The following TSPAN2 variants were observed in gnomAD, a reference collection of about 807,000 sequenced individuals.
TSPAN2 encodes tetraspanin 2.
In TSPAN2, 24 loss-of-function variants were observed where a neutral mutation model predicts 33.3. The observed-to-expected ratio is 0.72, with a 90% CI of 0.52 to 1.01. The LOEUF is 1.01. Among genes scored for constraint, TSPAN2 ranks in the 50% least tolerant of loss-of-function variants. The pLI is 0.00. For missense variants in TSPAN2, 278 were observed against 281.3 expected (o/e 0.99, Z 0.08); for synonymous variants, 114 against 104.5 (o/e 1.09, Z -0.56).
intron 2 of TSPAN2, among the ~76,000 whole-genome samples, chr1:115,064,298 A>G (rs776037086): frequency 3.9e-5 from 6 of 152,314 alleles, no homozygotes; most frequent in Middle Eastern, 3.4e-3. Flanking sequence ...GGCAGCAACA[A>G]CACCATATTC....
chr1:115,056,921 C>A (rs1317236797), intron 6 of TSPAN2, among the ~76,000 whole-genome samples: 1 of 152,172 alleles, frequency 6.6e-6, no homozygotes, highest in East Asian at 1.9e-4. Flanking sequence ...TGTCTGGCCG[C>A]CCCTCCCAGT....
intron 1 of TSPAN2, among the ~76,000 whole-genome samples, chr1:115,088,397 C>A (rs1419852768): frequency 1.3e-5 from 2 of 152,178 alleles, no homozygotes; most frequent in African/African-American, 4.8e-5. Flanking sequence ...CCCTCAGGGT[C>A]TAGCTGAGCA....
rs559335092 is a variant in TSPAN2, at chr1:115,063,556, C to T, written c.173-1324G>A. ...GAACTACCACTCGACCCGGCAATCC[C>T]ATTGCTGGGTAAATACCTAAAGGAA... On this transcript the variant is annotated intron_variant, in intron 2 of 7. Transcript: ENST00000369516. Among the ~76,000 whole-genome samples the T allele has an allele frequency of 4.6e-5, 7 of 152,310 alleles. No homozygotes were observed. In the East Asian group the frequency reaches 1.3e-3, roughly 29 times the overall value.
Position 115,089,404 on chromosome 1 carries a change from C to A in TSPAN2, c.29G>T (p.Cys10Phe). The change falls in exon 1 of 8, where the codon TGC becomes TTC. Residue 10 changes from cysteine to phenylalanine, a missense_variant. By Grantham distance (205) the Cys-to-Phe change is radical. Coordinates refer to ENST00000369516, the MANE Select transcript of TSPAN2 (RefSeq NM_005725.6). ...GAAGCCAAGCAGCAGGTACTTGATGCACCGCAGGCCCCCGCGGAAGCGCCC... is the reference window on the plus strand; with the variant it reads ...GAAGCCAAGCAGCAGGTACTTGATGAACCGCAGGCCCCCGCGGAAGCGCCC... Reference protein sequence around the residue: MGRFRGGLRCIKYLLLGFNL... With the variant: MGRFRGGLRFIKYLLLGFNL... 6.3e-7 allele frequency: 1 copy of A among 1,589,994 alleles called. No homozygotes were observed. Among genetic ancestry groups the A allele is most frequent in the Non-Finnish European group, 8.5e-7 (1 of 1,169,792 alleles).
intron 1 of TSPAN2, among the ~76,000 whole-genome samples, chr1:115,074,119 G>T (rs1648301119): frequency 6.6e-6 from 1 of 152,156 alleles, no homozygotes; most frequent in African/African-American, 2.4e-5. Context: ...CAATTTAGAG[G>T]CTTCCCCTGC....
chr1:115,062,293 A>G, intron 2 of TSPAN2, 61 bp from the exon 3 acceptor site: 2 of 1,330,532 alleles, frequency 1.5e-6, no homozygotes, highest in Non-Finnish European at 2.1e-6. Flanking sequence ...ACGACCAACT[A>G]GGCTTAAGAC....
intron 1 of TSPAN2, among the ~76,000 whole-genome samples, chr1:115,076,026 G>C (rs1188750771): frequency 7.2e-6 from 1 of 139,710 alleles, no homozygotes; most frequent in African/African-American, 2.6e-5. Flanking sequence ...GTGGTAGATA[G>C]TCACATAAAG....
At chr1:115,072,619 C>T (rs1648225074) in intron 2 of TSPAN2, among the ~76,000 whole-genome samples, 1 of 152,114 alleles carries the variant, frequency 6.6e-6, no homozygotes, top group South Asian at 2.1e-4. Context: ...AAACAAAGCA[C>T]AACAGGCTGC....
intron 2 of TSPAN2, among the ~76,000 whole-genome samples, chr1:115,062,699 A>C (rs1289564485): frequency 6.6e-6 from 1 of 152,192 alleles, no homozygotes; most frequent in East Asian, 1.9e-4. Context: ...TCTTACTTGG[A>C]ATCATGTTAA....
At chr1:115,079,359 C>T (rs1171364878) in intron 1 of TSPAN2, among the ~76,000 whole-genome samples, 1 of 151,964 alleles carries the variant, frequency 6.6e-6, no homozygotes, top group African/African-American at 2.4e-5. Context: ...AATTCTCATC[C>T]CCATTGGAAT....
rs993535183 is a variant in TSPAN2 at position 115,048,510 on chromosome 1, T to A, written c.*1980A>T. Reference sequence around the variant, plus strand: ...ACTTTAATTAATTTCATTTTAAATTTATTTATTTCTATTCTTCCACTTTTA... The same window carrying A: ...ACTTTAATTAATTTCATTTTAAATTAATTTATTTCTATTCTTCCACTTTTA... On this transcript the variant is annotated 3_prime_UTR_variant, in exon 8 of 8. Coordinates refer to ENST00000369516, the MANE Select transcript of TSPAN2 (RefSeq NM_005725.6). 6.6e-6 allele frequency: 1 copy of A among 151,978 alleles called. No individual in the cohort carries two copies. The highest frequency in any genetic ancestry group is 1.5e-5 in the Non-Finnish European group (1 of 67,900). 9.4% of individuals were successfully genotyped at this position (151,978 alleles called of 1,614,324 possible).
At position 115,089,344 on chromosome 1, in the gene TSPAN2, C is replaced by G; in HGVS notation, c.69+20G>C. The G allele has an allele frequency of 6.4e-7, 1 of 1,563,118 alleles. No individual in the cohort carries two copies. Among genetic ancestry groups the G allele is most frequent in the South Asian group, 1.2e-5 (1 of 85,232 alleles). On this transcript the variant is annotated intron_variant, in intron 1 of 7. Coordinates refer to ENST00000369516, the MANE Select transcript of TSPAN2 (RefSeq NM_005725.6). ...ACCCGGCCCCCTGCCCTGACCGGCC[C>G]TCCCGGCTCCTGGTCTCACCCAGAA...
chr1:115,076,058 G>A (rs1414856856), intron 1 of TSPAN2, among the ~76,000 whole-genome samples: 1 of 152,182 alleles, frequency 6.6e-6, no homozygotes, highest in Non-Finnish European at 1.5e-5. Context: ...CTATAATGCA[G>A]GAAGTGTGCT....
At chr1:115,054,608 A>G (rs1439518490) in intron 6 of TSPAN2, among the ~76,000 whole-genome samples, 1 of 152,174 alleles carries the variant, frequency 6.6e-6, no homozygotes, top group African/African-American at 2.4e-5. Context: ...CCCTTCCTTC[A>G]GTGCCAGGCA....
chr1:115,066,175 T>C (rs555570806), intron 2 of TSPAN2, among the ~76,000 whole-genome samples: 2 of 152,226 alleles, frequency 1.3e-5, no homozygotes, highest in Non-Finnish European at 2.9e-5. Flanking sequence ...TGACTCCATA[T>C]GTTGGCTATT....
intron 2 of TSPAN2, among the ~76,000 whole-genome samples, chr1:115,064,044 T>C (rs1014722651): frequency 7.1e-6 from 1 of 141,054 alleles, no homozygotes; most frequent in Non-Finnish European, 1.6e-5. Flanking sequence ...GATTCTAAAA[T>C]GAAAGTTGAA....
intron 1 of TSPAN2, among the ~76,000 whole-genome samples, chr1:115,087,179 A>G (rs1182944197): frequency 6.6e-6 from 1 of 151,880 alleles, no homozygotes; most frequent in Non-Finnish European, 1.5e-5. Flanking sequence ...TTGGCCTCCT[A>G]AAGTGCTGGG....
intron 6 of TSPAN2, among the ~76,000 whole-genome samples, chr1:115,056,101 G>A (rs1647410124): frequency 6.6e-6 from 1 of 152,090 alleles, no homozygotes; most frequent in African/African-American, 2.4e-5. Context: ...AAATGCTCAC[G>A]ACATCACGTT....
chr1:115,060,862 T>C (rs2101028389), intron 3 of TSPAN2, among the ~76,000 whole-genome samples: 1 of 152,294 alleles, frequency 6.6e-6, no homozygotes, highest in Non-Finnish European at 1.5e-5. Flanking sequence ...TCCCACCACC[T>C]AGAACACCAC....
Sources: gnomAD v4.1 joint callset for allele counts (sites outside exome capture counted in the v4.1 genomes callset) on GRCh38, gnomAD v4.1.1 for gene constraint, MANE v1.5 for transcripts, NCBI Gene and HGNC (gene_info 2026-07-23, HGNC 2026-07-21) for gene names.